Variants in SH2D6 observed in about 807,000 individuals in gnomAD.
The protein encoded by SH2D6 is SH2 domain-containing protein 6.
SH2D6 carries 31 observed loss-of-function variants against 30.2 expected under a neutral mutation model. The observed-to-expected ratio is 1.03, with a 90% CI of 0.77 to 1.38. The LOEUF (loss-of-function observed/expected upper bound fraction) is 1.38, where lower values mean the gene tolerates loss of function less well. Ranked by LOEUF, SH2D6 falls within the 40% of genes most tolerant of loss-of-function variation. The pLI, the probability that SH2D6 is intolerant of heterozygous loss-of-function variation, is 0.00. For synonymous variants in SH2D6, 93 were observed against 104.6 expected (o/e 0.89, Z 0.68); for missense variants, 240 against 266.8 (o/e 0.90, Z 0.70).
chr2:85,434,939 G>A (rs766016519), intron 19 of SH2D6, 126 bp from the exon 20 acceptor site: 1 of 1,600,768 alleles, frequency 6.2e-7, no homozygotes, highest in South Asian at 1.1e-5. Context: ...TGGGTGCCGG[G>A]GTTTGGGCTC....
At chr2:85,425,099 C>T (rs764323432) in intron 5 of SH2D6, among the ~76,000 whole-genome samples, 2 of 151,984 alleles carry the variant, frequency 1.3e-5, no homozygotes, top group Non-Finnish European at 2.9e-5. Context: ...ATAGTCCCAA[C>T]ACTATACAAG....
Position 85,435,410 on chromosome 2 carries a change from C to A in SH2D6, c.649-3C>A, listed in dbSNP as rs1362988158. ...GTTTCTGAGTGACTGTGTGTATGCA[C>A]AGGACAGTGATCTGCTGACTCAGCC... On this transcript the variant is annotated splice_polypyrimidine_tract_variant and splice_region_variant and intron_variant, in intron 20 of 23. Coordinates refer to ENST00000469800, the MANE Select transcript of SH2D6 (RefSeq NM_001394463.1). 1.2e-6 allele frequency: 2 copies of A among 1,613,436 alleles called. No individual in the cohort carries two copies. The highest frequency in any genetic ancestry group is 1.7e-6 in the Non-Finnish European group (2 of 1,179,674).
intron 19 of SH2D6, 43 bp from the exon 20 acceptor site, chr2:85,435,021 AC>A: frequency 2.8e-6 from 1 of 360,904 alleles, no homozygotes; most frequent in Non-Finnish European, 4.0e-6. Context: ...GCCCACCCCC[AC>A]CCCACCCCAC....
chr2:85,432,398 T>G (rs544996708), intron 14 of SH2D6, among the ~76,000 whole-genome samples: 27 of 140,616 alleles, frequency 1.9e-4, no homozygotes, highest in African/African-American at 2.6e-4. Context: ...TTTTTTGTTT[T>G]GTTTTGTTTT....
chr2:85,434,454 C>G lies in SH2D6; in HGVS notation c.565-19C>G, dbSNP rs952860132. 1 of 1,550,430 alleles carries G rather than the reference C, an allele frequency of 6.4e-7. No homozygotes were observed. The highest frequency in any genetic ancestry group is 8.7e-7 in the Non-Finnish European group (1 of 1,146,930). ...GACCTGGGGCCCGGCCTCTTCTGATCAGACCTCCTGTATGCCAGGGAACAG... is the reference window on the plus strand; with the variant it reads ...GACCTGGGGCCCGGCCTCTTCTGATGAGACCTCCTGTATGCCAGGGAACAG... On this transcript the variant is annotated intron_variant, in intron 18 of 23. Transcript: ENST00000469800.
chr2:85,421,389 C>G (rs770245305), intron 2 of SH2D6: 5 of 152,146 alleles, frequency 3.3e-5, no homozygotes, highest in Non-Finnish European at 7.3e-5. Flanking sequence ...AGCCTAGGCC[C>G]GGTAGTCGAA....
intron 5 of SH2D6, among the ~76,000 whole-genome samples, chr2:85,423,311 A>T (rs1469475659): frequency 6.6e-6 from 1 of 152,170 alleles, no homozygotes; most frequent in Non-Finnish European, 1.5e-5. Context: ...GGCTCACTGC[A>T]ACTCCCACCT....
chr2:85,435,376 C>T (rs1366338392), intron 20 of SH2D6, 37 bp from the exon 21 acceptor site: 11 of 1,601,634 alleles, frequency 6.9e-6, no homozygotes, highest in Non-Finnish European at 9.4e-6. Context: ...TGATTGAGTG[C>T]CCTGGCATGT....
chr2:85,423,690 C>T (rs1047372638), intron 5 of SH2D6, among the ~76,000 whole-genome samples: 1 of 152,238 alleles, frequency 6.6e-6, no homozygotes, highest in African/African-American at 2.4e-5. Flanking sequence ...TCTGTCAGCC[C>T]TTCATCACCC....
chr2:85,428,103 C>T (rs78368676), intron 6 of SH2D6, among the ~76,000 whole-genome samples: 8,934 of 152,244 alleles, frequency 0.059, 380 homozygotes, highest in Middle Eastern at 0.085. Context: ...GACACCAGGC[C>T]CCAGCCCTCC....
chr2:85,433,248 C>G (rs1209580899), intron 15 of SH2D6, 127 bp downstream of exon 15: 8 of 675,134 alleles, frequency 1.2e-5, no homozygotes, highest in African/African-American at 2.0e-5. Flanking sequence ...CAGAGCAGGG[C>G]CCCTGCCCCT....
At chr2:85,433,269 C>T (rs1236943657) in intron 15 of SH2D6, 148 bp downstream of exon 15, 7 of 536,276 alleles carry the variant, frequency 1.3e-5, no homozygotes, top group Middle Eastern at 9.3e-4. Flanking sequence ...CAGCCACAGG[C>T]CCCTGGCAGG....
intron 22 of SH2D6, 59 bp downstream of exon 22, chr2:85,435,883 A>G (rs913984703): frequency 1.4e-6 from 2 of 1,466,356 alleles, no homozygotes; most frequent in Non-Finnish European, 1.8e-6. Context: ...CCCCAGGCCT[A>G]GCCAAGAGCA....
At chr2:85,419,328 C>G (rs1687662302) in intron 2 of SH2D6, 84 bp downstream of exon 2, 1 of 152,370 alleles carries the variant, frequency 6.6e-6, no homozygotes, top group Admixed American at 6.5e-5. Flanking sequence ...CCTCACACCT[C>G]AGGGTCAAAT....
intron 22 of SH2D6, 151 bp from the exon 23 acceptor site, chr2:85,436,315 A>C: frequency 3.1e-6 from 2 of 640,422 alleles, no homozygotes; most frequent in Non-Finnish European, 5.5e-6. Context: ...ACGGGGCAGC[A>C]AAATGGCAGT....
At chr2:85,425,569 G>A (rs1378425863) in intron 6 of SH2D6, among the ~76,000 whole-genome samples, 162 bp downstream of exon 6, 1 of 152,098 alleles carries the variant, frequency 6.6e-6, no homozygotes, top group Non-Finnish European at 1.5e-5. Context: ...CGCCCGGCCG[G>A]ATTAAAGTTC....
intron 19 of SH2D6, chr2:85,434,827 G>C: frequency 1.4e-6 from 2 of 1,467,352 alleles, no homozygotes; most frequent in Non-Finnish European, 1.8e-6. Flanking sequence ...AAATCAGGAA[G>C]CTCCTAGTCT....
intron 2 of SH2D6, among the ~76,000 whole-genome samples, chr2:85,419,861 A>AT (rs1487624710): frequency 6.6e-6 from 1 of 152,212 alleles, no homozygotes; most frequent in African/African-American, 2.4e-5. Context: ...GATTGCCCAG[A>AT]TTCTCTTGAT....
rs1187893493 is a variant in SH2D6, at chr2:85,435,085, C to T, written c.610C>T (p.Pro204Ser). 7.1e-7 allele frequency: 1 copy of T among 1,412,208 alleles called. No homozygotes were observed. Among genetic ancestry groups the T allele is most frequent in the Admixed American group, 1.9e-5 (1 of 51,370 alleles). The allele number at this position is 1,412,208 out of a possible 1,614,324, so 87.5% of individuals were successfully genotyped here. A position where few individuals can be genotyped will look rare whatever the true frequency, so the allele number is the denominator to read the frequency against. ...ASKEGRKSSL[P>S]SVAPTGSASA... ...TCTAGAAGGAAGGAAATCGTCTCTT[C>T]CCTCTGTAGCCCCCACTGGGAGTGC... is the stretch of plus-strand genomic sequence containing the variant. The change falls in exon 20 of 24, where the codon CCC becomes TCC. Residue 204 changes from proline to serine, a missense_variant. Pro to Ser is a moderately conservative substitution (Grantham distance 74, BLOSUM62 -1). Transcript: ENST00000469800.
Sources: allele counts gnomAD v4.1 joint callset (sites outside exome capture counted in the v4.1 genomes callset), GRCh38; gene constraint gnomAD v4.1.1; transcripts MANE v1.5; gene names NCBI Gene and HGNC (gene_info 2026-07-23, HGNC 2026-07-21).